Variants in EYS observed in about 807,000 individuals in gnomAD.
EYS encodes EGF-like photoreceptor maintenance factor.
In EYS, 250 loss-of-function variants were observed where a neutral mutation model predicts 282.1. That is an observed-to-expected ratio of 0.89 (90% CI 0.80 to 0.98). The LOEUF (loss-of-function observed/expected upper bound fraction) is 0.98. Ranked by LOEUF, EYS falls within the 50% of genes least tolerant of loss-of-function variation. EYS has a pLI of 0.00. For synonymous variants in EYS, 1,355 were observed against 1,282.9 expected, an observed-to-expected ratio of 1.06 and a Z score of -1.20; for missense variants, 4,016 against 3,709.0, an observed-to-expected ratio of 1.08 and a Z score of -2.15.
At position 65,440,663 on chromosome 6, in the gene EYS, T is replaced by A. The variant is rs551515608; in HGVS notation, c.863-35296A>T. ...CCTCATAAAGCTGACCATGTAAAGC[T>A]AATTTTTTTTGTACTCACACCATAT... is the stretch of plus-strand genomic sequence containing the variant. On this transcript the variant is annotated intron_variant, in intron 5 of 42. Coordinates refer to ENST00000503581, the MANE Select transcript of EYS (RefSeq NM_001142800.2). 8.9e-4 allele frequency among the ~76,000 whole-genome samples: 134 copies of A among 151,378 alleles called. 2 individuals are homozygous for A. Among genetic ancestry groups the A allele is most frequent in the African/African-American group, 2.6e-3 (109 of 41,400 alleles).
intron 12 of EYS, among the ~76,000 whole-genome samples, chr6:65,078,033 C>G (rs542546059): frequency 1.1e-3 from 164 of 152,132 alleles, no homozygotes; most frequent in African/African-American, 3.8e-3. Context: ...TTGTTAATTT[C>G]TAACTGATTG....
In EYS at chr6:65,453,686, C is replaced by G. The variant is rs185052271; in HGVS notation, c.862+36908G>C. ...CCTCAACCTCTCCTCTCCCCTCCCCCCTACAGTCTCTGGTAACCATTGTTC... is the reference window on the plus strand; with the variant it reads ...CCTCAACCTCTCCTCTCCCCTCCCCGCTACAGTCTCTGGTAACCATTGTTC... On this transcript the variant is annotated intron_variant, in intron 5 of 42. Coordinates refer to ENST00000503581, the MANE Select transcript of EYS (RefSeq NM_001142800.2). 2.6e-4 allele frequency among the ~76,000 whole-genome samples: 40 copies of G among 152,104 alleles called. No homozygotes were observed. The East Asian group carries it at 5.2e-3, about 20-fold the overall frequency.
intron 26 of EYS, among the ~76,000 whole-genome samples, chr6:64,504,591 C>T (rs768687226): frequency 3.4e-4 from 52 of 152,228 alleles, no homozygotes; most frequent in Non-Finnish European, 6.9e-4. Context: ...GAAAAGCTGA[C>T]GCTATGAGGA....
intron 12 of EYS, among the ~76,000 whole-genome samples, chr6:65,074,420 C>G (rs756520727): frequency 1.3e-5 from 2 of 151,958 alleles, no homozygotes; most frequent in African/African-American, 2.4e-5. Context: ...CTCAAGGTCT[C>G]GGTGAGACCT....
chr6:65,051,865 TATATTAATAGGCAATATTA>T (rs1455429061), intron 13 of EYS, among the ~76,000 whole-genome samples: 9 of 151,588 alleles, frequency 5.9e-5, no homozygotes, highest in African/African-American at 1.9e-4. Context: ...GTATCACTGA[TATATTAATAGGCAATATTA>T]ATATTAATAG....
intron 41 of EYS, among the ~76,000 whole-genome samples, chr6:63,737,281 A>C (rs1768941538): frequency 1.3e-5 from 2 of 152,284 alleles, no homozygotes; most frequent in African/African-American, 4.8e-5. Flanking sequence ...TAATTTATTG[A>C]GAGTTTTTAG....
At chr6:65,618,979 G>A (rs563820536) in intron 2 of EYS, among the ~76,000 whole-genome samples, 1 of 152,262 alleles carries the variant, frequency 6.6e-6, no homozygotes, top group East Asian at 1.9e-4. Context: ...TTTGAAGTCA[G>A]GTAGTGTGAT....
chr6:64,235,027 G>A (rs1402789558), intron 30 of EYS, among the ~76,000 whole-genome samples: 2 of 151,564 alleles, frequency 1.3e-5, no homozygotes, highest in Admixed American at 1.3e-4. Context: ...ACAGGCATCT[G>A]CCACCACACC....
At chr6:65,504,855 T>C (rs1025875583) in intron 2 of EYS, among the ~76,000 whole-genome samples, 1 of 151,796 alleles carries the variant, frequency 6.6e-6, no homozygotes, top group South Asian at 2.1e-4. Flanking sequence ...ATGAGAGTTA[T>C]TAGTCTATAG....
At chr6:64,925,374 T>C (rs1768482994) in intron 15 of EYS, among the ~76,000 whole-genome samples, 1 of 152,116 alleles carries the variant, frequency 6.6e-6, no homozygotes, top group African/African-American at 2.4e-5. Flanking sequence ...ACAACCAAAC[T>C]CTATCAGTGG....
rs557139201 is a variant in EYS at position 65,424,669 on chromosome 6, G to A, written c.863-19302C>T. Among the ~76,000 whole-genome samples the A allele has an allele frequency of 3.3e-5, 5 of 152,036 alleles. No individual in the cohort carries two copies. In the South Asian group the frequency reaches 1.0e-3, roughly 32 times the overall value. On this transcript the variant is annotated intron_variant, in intron 5 of 42. Coordinates refer to ENST00000503581, the MANE Select transcript of EYS (RefSeq NM_001142800.2). Reference sequence around the variant, plus strand: ...GTATCCTAAGTTTATAAATGCTTTGGTATTTTGCTGCTACCTCAGAAATAT... The same window carrying A: ...GTATCCTAAGTTTATAAATGCTTTGATATTTTGCTGCTACCTCAGAAATAT...
intron 22 of EYS, among the ~76,000 whole-genome samples, chr6:64,745,628 A>C (rs1772534527): frequency 6.6e-6 from 1 of 152,194 alleles, no homozygotes. Context: ...ACTATGTATA[A>C]AAATAAGCAG....
At chr6:64,388,468 T>C (rs1171229132) in intron 29 of EYS, among the ~76,000 whole-genome samples, 2 of 152,162 alleles carry the variant, frequency 1.3e-5, no homozygotes, top group African/African-American at 4.8e-5. Context: ...CAGACTGACA[T>C]TGGAGCAATT....
chr6:65,351,608 C>G (rs1764276907), intron 9 of EYS, among the ~76,000 whole-genome samples: 1 of 151,666 alleles, frequency 6.6e-6, no homozygotes, highest in African/African-American at 2.4e-5. Context: ...TTATAGTTCT[C>G]AAAAGAAGTT....
In EYS at chr6:64,187,265, T is replaced by C. The variant is rs531716878; in HGVS notation, c.6424+43327A>G. On this transcript the variant is annotated intron_variant, in intron 31 of 42. Transcript: ENST00000503581. ...TTGTTTCTGTCTCATCTGTGGTATA[T>C]AGAAGTCTCACAGTGAAGCATCTCT... 4.6e-5 allele frequency among the ~76,000 whole-genome samples: 7 copies of C among 152,260 alleles called. No homozygotes were observed. In the South Asian group the frequency reaches 8.3e-4, roughly 18 times the overall value.
At chr6:64,296,578 ATATATACATATATATATATATTTTT>A in intron 30 of EYS, among the ~76,000 whole-genome samples, 1 of 5,922 alleles carries the variant, frequency 1.7e-4, no homozygotes, top group African/African-American at 1.1e-3. Flanking sequence ...ATATATATAT[ATATATACATATATATATATATTTTT>A]TTTTTTTTTT....
At chr6:64,448,495 T>A (rs1775200292) in intron 26 of EYS, among the ~76,000 whole-genome samples, 1 of 152,168 alleles carries the variant, frequency 6.6e-6, no homozygotes, top group East Asian at 1.9e-4. Flanking sequence ...GTCCGATAGC[T>A]TTGAAGAGAG....
chr6:65,354,268 G>A (rs1047299959), intron 8 of EYS, among the ~76,000 whole-genome samples: 8 of 152,068 alleles, frequency 5.3e-5, no homozygotes, highest in African/African-American at 1.7e-4. Context: ...CTAGGGCTAT[G>A]TATTCTCTTT....
intron 12 of EYS, among the ~76,000 whole-genome samples, chr6:65,156,170 G>A (rs2150218396): frequency 6.6e-6 from 1 of 151,320 alleles, no homozygotes; most frequent in South Asian, 2.1e-4. Flanking sequence ...TTGCATAAGA[G>A]GAGGAGAAAG....
Sources: gnomAD v4.1 joint callset for allele counts (sites outside exome capture counted in the v4.1 genomes callset) on GRCh38, gnomAD v4.1.1 for gene constraint, MANE v1.5 for transcripts, NCBI Gene and HGNC (gene_info 2026-07-23, HGNC 2026-07-21) for gene names.